Variants in HMGN3 observed in about 807,000 individuals in gnomAD.
The protein encoded by HMGN3 is high mobility group nucleosomal binding domain 3, also known as high mobility group nucleosome-binding domain-containing protein 3.
Under a neutral mutation model 18.8 loss-of-function variants are expected in HMGN3, and 6 were observed. The ratio of observed to expected loss-of-function variants is 0.32; its 90% CI spans 0.18 to 0.63. The LOEUF is 0.63. Ranked by LOEUF, HMGN3 falls within the 30% of genes least tolerant of loss-of-function variation. The probability of loss-of-function intolerance (pLI) is 0.79; values close to 1 mark genes in which losing one functional copy is unlikely to be tolerated. For missense variants in HMGN3, 107 were observed against 114.2 expected (o/e 0.94, Z 0.29); for synonymous variants, 40 against 36.5 (o/e 1.10, Z -0.35).
Position 79,203,648 on chromosome 6 carries a change from A to G in HMGN3, c.97-18T>C. The G allele has an allele frequency of 6.4e-7, 1 of 1,560,002 alleles. No individual in the cohort carries two copies. Among genetic ancestry groups the G allele is most frequent in the Non-Finnish European group, 8.7e-7 (1 of 1,153,112 alleles). ...GCAGGTTTCTGCAAAGATAATTTAAATTACACAAATACTGAAAAAAAAAAA... is the reference window on the plus strand; with the variant it reads ...GCAGGTTTCTGCAAAGATAATTTAAGTTACACAAATACTGAAAAAAAAAAA... On this transcript the variant is annotated intron_variant, in intron 3 of 5. Coordinates refer to ENST00000344726, the Ensembl canonical transcript of HMGN3.
chr6:79,231,454 T>TA (rs565835331), intron 1 of HMGN3, among the ~76,000 whole-genome samples: 153 of 152,326 alleles, frequency 1.0e-3, no homozygotes, highest in Non-Finnish European at 1.7e-3. Context: ...CTCACAAACT[T>TA]AGAGATAATA....
intron 1 of HMGN3, among the ~76,000 whole-genome samples, chr6:79,224,597 T>C (rs1777469106): frequency 6.6e-6 from 1 of 152,366 alleles, no homozygotes; most frequent in East Asian, 1.9e-4. Flanking sequence ...TATAATTTTT[T>C]GTAGTACTTT....
At position 79,230,458 on chromosome 6, in the gene HMGN3, A is replaced by C. The variant is rs191617430; in HGVS notation, c.15+4088T>G. Among the ~76,000 whole-genome samples the C allele has an allele frequency of 1.7e-4, 26 of 152,326 alleles. No homozygotes were observed. In the East Asian group the frequency reaches 4.6e-3, roughly 27 times the overall value. On this transcript the variant is annotated intron_variant, in intron 1 of 5. Coordinates refer to ENST00000344726, the Ensembl canonical transcript of HMGN3. Reference sequence around the variant, plus strand: ...TAGATTATACTCAATAAATGTTTTAAAGGAAATTATACTCTCATAACTGAG... The same window carrying C: ...TAGATTATACTCAATAAATGTTTTACAGGAAATTATACTCTCATAACTGAG...
intron 2 of HMGN3, among the ~76,000 whole-genome samples, chr6:79,212,968 A>C (rs1419821083): frequency 6.6e-6 from 1 of 152,190 alleles, no homozygotes; most frequent in Non-Finnish European, 1.5e-5. Flanking sequence ...CCTTGGCTTA[A>C]ATGACAGGTA....
chr6:79,226,961 A>G (rs992631339), intron 1 of HMGN3, among the ~76,000 whole-genome samples: 1 of 152,236 alleles, frequency 6.6e-6, no homozygotes, highest in Non-Finnish European at 1.5e-5. Flanking sequence ...ACAATAAGTA[A>G]GTAACCAGTG....
intron 1 of HMGN3, among the ~76,000 whole-genome samples, chr6:79,230,926 T>A (rs1317776150): frequency 4.6e-5 from 7 of 152,202 alleles, no homozygotes; most frequent in Non-Finnish European, 8.8e-5. Flanking sequence ...TAGTTAAGCA[T>A]CCCCTGTGCT....
chr6:79,223,620 C>T (rs901221699), intron 1 of HMGN3, among the ~76,000 whole-genome samples: 16 of 152,094 alleles, frequency 1.1e-4, no homozygotes, highest in Non-Finnish European at 1.6e-4. Flanking sequence ...GTGTGGGAAT[C>T]GCTTGACCCT....
rs546671518 is a variant in HMGN3, at chr6:79,230,789, T to C, written c.15+3757A>G. Reference sequence around the variant, plus strand: ...TAAAAATTTTGTTAACAGTTTTTTTTCCCATATTGAAATATTCATTTTCAT... The same window carrying C: ...TAAAAATTTTGTTAACAGTTTTTTTCCCCATATTGAAATATTCATTTTCAT... On this transcript the variant is annotated intron_variant, in intron 1 of 5. Transcript: ENST00000344726. Among the ~76,000 whole-genome samples the C allele has an allele frequency of 2.0e-5, 3 of 152,332 alleles. No homozygotes were observed. The South Asian group carries it at 6.2e-4, about 32-fold the overall frequency.
intron 1 of HMGN3, among the ~76,000 whole-genome samples, chr6:79,215,774 C>T (rs773323321): frequency 6.6e-6 from 1 of 152,156 alleles, no homozygotes; most frequent in African/African-American, 2.4e-5. Flanking sequence ...ATTTATTGGA[C>T]ACTGCACATG....
At chr6:79,231,465 T>C (rs1016071343) in intron 1 of HMGN3, among the ~76,000 whole-genome samples, 4 of 152,238 alleles carry the variant, frequency 2.6e-5, no homozygotes, top group Non-Finnish European at 5.9e-5. Context: ...AGAGATAATA[T>C]GCACTGAAGA....
intron 2 of HMGN3, among the ~76,000 whole-genome samples, chr6:79,211,990 A>C (rs1365580989): frequency 6.6e-6 from 1 of 151,222 alleles, no homozygotes; most frequent in African/African-American, 2.4e-5. Context: ...GTTGCTCCTG[A>C]GCCTGACCAT....
intron 1 of HMGN3, among the ~76,000 whole-genome samples, chr6:79,223,752 T>TTTTA (rs1554166259): frequency 6.8e-6 from 1 of 147,058 alleles, no homozygotes; most frequent in African/African-American, 2.5e-5. Context: ...TTTTTTTTTT[T>TTTTA]ATGTGCTGTG....
intron 1 of HMGN3, among the ~76,000 whole-genome samples, chr6:79,225,687 G>A (rs1777532064): frequency 6.6e-6 from 1 of 152,184 alleles, no homozygotes. Context: ...TGGAATCTGA[G>A]AAAATTATAA....
chr6:79,234,666 C>G (rs1582462422), exon 1 of HMGN3: 2 of 1,136,902 alleles, frequency 1.8e-6, no homozygotes, highest in Non-Finnish European at 2.6e-6. Flanking sequence ...CAGGGCACGA[C>G]GTAGCCCGGC....
At chr6:79,229,364 T>A (rs1341182291) in intron 1 of HMGN3, among the ~76,000 whole-genome samples, 4 of 152,134 alleles carry the variant, frequency 2.6e-5, no homozygotes, top group African/African-American at 7.2e-5. Context: ...ACAACCCAAT[T>A]AAAAATGGGC....
chr6:79,214,289 C>T (rs1174105324), intron 2 of HMGN3, among the ~76,000 whole-genome samples: 1 of 150,668 alleles, frequency 6.6e-6, no homozygotes. Context: ...GCAACCTCCA[C>T]CTCCCAGGTT....
intron 1 of HMGN3, among the ~76,000 whole-genome samples, chr6:79,226,644 C>T (rs1229036163): frequency 2.6e-5 from 4 of 152,126 alleles, no homozygotes; most frequent in Admixed American, 2.0e-4. Context: ...CAGGAAATAG[C>T]TCGATTTTGA....
At chr6:79,219,766 T>C (rs1777175498) in intron 1 of HMGN3, among the ~76,000 whole-genome samples, 1 of 152,192 alleles carries the variant, frequency 6.6e-6, no homozygotes, top group Non-Finnish European at 1.5e-5. Flanking sequence ...ATTAATGAGA[T>C]ATTTCACAGA....
intron 1 of HMGN3, 84 bp downstream of exon 1, chr6:79,234,462 C>T (rs756147546): frequency 1.5e-6 from 2 of 1,353,734 alleles, no homozygotes; most frequent in Non-Finnish European, 2.1e-6. Context: ...CTACCGCGCG[C>T]GTTCTGCGCG....
Sources: gnomAD v4.1 joint callset for allele counts (sites outside exome capture counted in the v4.1 genomes callset) on GRCh38, gnomAD v4.1.1 for gene constraint, MANE v1.5 for transcripts, NCBI Gene and HGNC (gene_info 2026-07-23, HGNC 2026-07-21) for gene names.